The following USP43 variants were observed in gnomAD, a reference collection of about 807,000 sequenced individuals.
The protein encoded by USP43 is ubiquitin carboxyl-terminal hydrolase 43.
In USP43, 33 loss-of-function variants were observed where a neutral mutation model predicts 90.7. The observed-to-expected ratio is 0.36, with a 90% CI of 0.28 to 0.49. USP43 has a LOEUF of 0.49. Ranked by LOEUF, USP43 falls within the 20% of genes least tolerant of loss-of-function variation. The probability of loss-of-function intolerance (pLI) is 0.98; values close to 1 mark genes in which losing one functional copy is unlikely to be tolerated. For missense variants in USP43, 1,274 were observed against 1,476.4 expected (o/e 0.86, Z 2.25); for synonymous variants, 598 against 615.8 (o/e 0.97, Z 0.43).
chr17:9,719,708 C>G (rs1198947743), intron 14 of USP43, among the ~76,000 whole-genome samples: 3 of 152,206 alleles, frequency 2.0e-5, no homozygotes, highest in East Asian at 3.9e-4. Flanking sequence ...AGCTTTCCCT[C>G]TTGGAGTTTG....
At chr17:9,697,393 T>A (rs1048667367) in intron 9 of USP43, among the ~76,000 whole-genome samples, 3 of 152,068 alleles carry the variant, frequency 2.0e-5, no homozygotes, top group African/African-American at 7.2e-5. Context: ...GGATATATCA[T>A]GTAACACTGG....
intron 3 of USP43, chr17:9,669,894 CGCTGGAGATG>C (rs1567654127): frequency 6.6e-6 from 1 of 152,428 alleles, no homozygotes; most frequent in African/African-American, 2.4e-5. Flanking sequence ...TACAGGCATG[CGCTGGAGATG>C]GCTGGAGAGG....
intron 2 of USP43, among the ~76,000 whole-genome samples, chr17:9,660,107 T>G (rs1683675080): frequency 6.6e-6 from 1 of 152,162 alleles, no homozygotes. Context: ...CCCCCAGACC[T>G]TTCTTTAAGA....
rs72820059 is a variant in USP43, at chr17:9,709,772, A to G, written c.2012-184A>G. On this transcript the variant is annotated intron_variant, in intron 12 of 14. Transcript: ENST00000285199. The surrounding 1 kb of genome is among the most constrained non-coding windows in gnomAD (Gnocchi z 5.0). ...AATAATAACAGCACTTGTTATAGTA[A>G]GAATCCGAGGGTATAACTTACTGAT... Among the ~76,000 whole-genome samples the G allele has an allele frequency of 0.01, 1,535 of 152,312 alleles. 31 individuals are homozygous for G. The highest frequency in any genetic ancestry group is 0.011 in the Non-Finnish European group (747 of 68,030).
chr17:9,688,743 G>A (rs536008857), intron 8 of USP43, among the ~76,000 whole-genome samples: 1 of 152,232 alleles, frequency 6.6e-6, no homozygotes, highest in African/African-American at 2.4e-5. Context: ...CTGGAGTGCC[G>A]TGGTGCGGTA....
At position 9,693,191 on chromosome 17, in the gene USP43, C is replaced by G. The variant is rs1227097879; in HGVS notation, c.1418C>G (p.Pro473Arg). 4.3e-6 allele frequency: 7 copies of G among 1,613,506 alleles called. No individual in the cohort carries two copies. Among genetic ancestry groups the G allele is most frequent in the Non-Finnish European group, 5.9e-6 (7 of 1,179,782 alleles). Reference sequence around the variant, plus strand: ...TCTGTGGCCTGCAGCTATTTGTCTCCGAAGGACAGTCGGCCCCTCTGTCAC... The same window carrying G: ...TCTGTGGCCTGCAGCTATTTGTCTCGGAAGGACAGTCGGCCCCTCTGTCAC... ...GLSVACSYLS[P>R]KDSRPLCHWA... Residue 473 changes from proline to arginine, a missense_variant, in exon 9 of 15, where the codon CCG (proline) becomes CGG (arginine). By Grantham distance (103) the Pro-to-Arg change is moderately radical. Around this residue, in one of 6 missense-constraint regions of USP43, gnomAD observed 253 missense variants for 276.0 expected, o/e 0.92. Transcript: ENST00000285199.
chr17:9,723,866 C>T (rs1348770498), intron 14 of USP43, among the ~76,000 whole-genome samples: 5 of 152,176 alleles, frequency 3.3e-5, no homozygotes, highest in Non-Finnish European at 5.9e-5. Flanking sequence ...GCCTCGGCCT[C>T]CCAAAGTGCT....
At chr17:9,664,701 G>A (rs1314279783) in intron 2 of USP43, among the ~76,000 whole-genome samples, 2 of 148,944 alleles carry the variant, frequency 1.3e-5, no homozygotes, top group Non-Finnish European at 1.5e-5. Context: ...GCAGTGGCAC[G>A]ATCTCGGCTC....
At position 9,701,151 on chromosome 17, in the gene USP43, A is replaced by C; in HGVS notation, c.1568A>C (p.Gln523Pro). The change falls in exon 11 of 15, where the codon CAG becomes CCG. Residue 523 changes from glutamine to proline, a missense_variant. This residue lies in a region of USP43 where 253 missense variants were observed against 276.0 expected (regional missense o/e 0.92). Coordinates refer to ENST00000285199, the MANE Select transcript of USP43 (RefSeq NM_153210.5). The surrounding 1 kb of genome is among the most constrained non-coding windows in gnomAD (Gnocchi z 7.2). ...LFGSLQEERA[Q>P]DADSVWQQQQ... The stretch of plus-strand genomic sequence containing the variant: ...GGGAGCCTCCAGGAGGAGCGAGCGC[A>C]GGATGCCGACAGTGTGTGGCAGCAG... 3.3e-6 allele frequency: 5 copies of C among 1,504,294 alleles called. No individual in the cohort carries two copies. Among genetic ancestry groups the C allele is most frequent in the Non-Finnish European group, 4.5e-6 (5 of 1,123,470 alleles). 93.2% of individuals were successfully genotyped at this position (1,504,294 alleles called of 1,614,324 possible).
chr17:9,718,969 A>G (rs979234139), intron 14 of USP43, among the ~76,000 whole-genome samples: 3 of 151,918 alleles, frequency 2.0e-5, no homozygotes, highest in Non-Finnish European at 4.4e-5. Flanking sequence ...GCACATTTAA[A>G]ATAGTGTCTA....
At chr17:9,675,005 C>T (rs1288788296) in intron 4 of USP43, 22 bp downstream of exon 4, 2 of 1,601,184 alleles carry the variant, frequency 1.2e-6, no homozygotes, top group Non-Finnish European at 1.7e-6. Context: ...TCGCGGCTTG[C>T]CCGGTGAACT....
rs745545982 is a variant in USP43, at chr17:9,728,724, G to A, written c.3106G>A (p.Gly1036Arg). ...TGGCGGGCTGAGCCCTGCCATGGAC[G>A]GGCAGGCTCCAGGCTCACCTCCTGC... Reference protein sequence around the residue: ...VSGGLSPAMDGQAPGSPPALR... With the variant: ...VSGGLSPAMDRQAPGSPPALR... The change falls in exon 15 of 15, where the codon GGG (glycine) becomes AGG (arginine). Residue 1036 changes from glycine (G) to arginine (R), a missense_variant. Physicochemically the swap from Gly to Arg is moderately radical, Grantham distance 125 (BLOSUM62 -2). Coordinates refer to ENST00000285199, the MANE Select transcript of USP43 (RefSeq NM_153210.5). This position sits in a 1 kb window ranked among gnomAD's most constrained non-coding sequence, Gnocchi z 6.2. 10 of 1,601,470 alleles carry A rather than the reference G, an allele frequency of 6.2e-6. No homozygotes were observed. Among genetic ancestry groups the A allele is most frequent in the South Asian group, 4.5e-5 (4 of 89,772 alleles).
At chr17:9,719,865 G>A (rs1260051876) in intron 14 of USP43, among the ~76,000 whole-genome samples, 2 of 152,066 alleles carry the variant, frequency 1.3e-5, no homozygotes, top group African/African-American at 2.4e-5. Context: ...CTAGGAGCCC[G>A]AGACCAGCCT....
At chr17:9,703,887 A>G (rs988527856) in intron 12 of USP43, among the ~76,000 whole-genome samples, 2 of 151,958 alleles carry the variant, frequency 1.3e-5, no homozygotes, top group Admixed American at 1.3e-4. Flanking sequence ...ATGAGTGTCA[A>G]CTCCCTCCTT....
chr17:9,646,117 A>G lies in USP43; in HGVS notation c.485A>G (p.Gln162Arg). 1 of 1,481,426 alleles carries G rather than the reference A, an allele frequency of 6.8e-7. No homozygotes were observed. Among genetic ancestry groups the G allele is most frequent in the Non-Finnish European group, 8.9e-7 (1 of 1,118,056 alleles). 91.8% of individuals were successfully genotyped at this position (1,481,426 alleles called of 1,614,324 possible). A position where few individuals can be genotyped will look rare whatever the true frequency, so the allele number is the denominator to read the frequency against. Residue 162 changes from glutamine to arginine, a missense_variant, in exon 1 of 15, where the codon CAA becomes CGA. Transcript: ENST00000285199. ...CTCTGGACTCGCGAATACACGCCCC[A>G]ACTTTCCGCGGAGTTCAAGGTAGGC... Reference protein sequence around the residue: ...RALWTREYTPQLSAEFKNAVS... With the variant: ...RALWTREYTPRLSAEFKNAVS...
chr17:9,649,769 G>A (rs949487210), intron 1 of USP43, among the ~76,000 whole-genome samples: 3 of 150,458 alleles, frequency 2.0e-5, no homozygotes, highest in East Asian at 3.9e-4. Flanking sequence ...ATACTGATAC[G>A]TTTCAAGGTA....
chr17:9,715,620 ATGTC>A (rs1166302590), intron 14 of USP43, among the ~76,000 whole-genome samples: 4 of 99,744 alleles, frequency 4.0e-5, no homozygotes, highest in African/African-American at 1.6e-4. Context: ...CTGTGAGTGT[ATGTC>A]TGTGTGTGTG....
Position 9,679,633 on chromosome 17 carries a change from C to T in USP43, c.970-598C>T, listed in dbSNP as rs561356360. ...CTCCGCCTCCCGGGTTCACACCATT[C>T]TCCTGCCTCAGCCTCCGTAGTAGCT... On this transcript the variant is annotated intron_variant, in intron 5 of 14. Coordinates refer to ENST00000285199, the MANE Select transcript of USP43 (RefSeq NM_153210.5). Among the ~76,000 whole-genome samples, 9 of 149,190 alleles carry T rather than the reference C, an allele frequency of 6.0e-5. No individual in the cohort carries two copies. In the East Asian group the frequency reaches 1.8e-3, roughly 30 times the overall value.
chr17:9,645,750 C>A lies in USP43; in HGVS notation c.118C>A (p.Arg40Ser). Residue 40 changes from arginine to serine, a missense_variant, in exon 1 of 15, where the codon CGC becomes AGC. Physicochemically the swap from Arg to Ser is moderately radical, Grantham distance 110. Transcript: ENST00000285199. This position sits in a 1 kb window ranked among gnomAD's most constrained non-coding sequence, Gnocchi z 6.8. ...RFLLALGSRS[R>S]PGDSPPRPQP... ...CCTGCTGGCGCTGGGCAGCCGCTCA[C>A]GCCCCGGGGACTCACCGCCCCGGCC... 7.2e-7 allele frequency: 1 copy of A among 1,388,432 alleles called. No homozygotes were observed. Among genetic ancestry groups the A allele is most frequent in the Non-Finnish European group, 9.3e-7 (1 of 1,077,358 alleles). 86.0% of individuals were successfully genotyped at this position (1,388,432 alleles called of 1,614,324 possible).
Sources: gnomAD v4.1 joint callset for allele counts (sites outside exome capture counted in the v4.1 genomes callset) on GRCh38, gnomAD v4.1.1 for gene constraint, gnomAD v4.1.1 regional missense constraint, Gnocchi (gnomAD v3.1) non-coding constraint, MANE v1.5 for transcripts, NCBI Gene and HGNC (gene_info 2026-07-23, HGNC 2026-07-21) for gene names.